SH3GL2: variants seen among roughly 807,000 people sequenced by gnomAD.
The protein encoded by SH3GL2 is endophilin-A1.
A neutral mutation model predicts 46.0 loss-of-function variants in SH3GL2; 24 were observed. That is an observed-to-expected ratio of 0.52 (90% CI 0.38 to 0.73). SH3GL2 has a LOEUF of 0.73. SH3GL2 is among the 30% of genes least tolerant of loss of function. The probability of loss-of-function intolerance (pLI) is 0.00; values close to 1 mark genes in which losing one functional copy is unlikely to be tolerated. For synonymous variants in SH3GL2, 196 were observed against 147.1 expected (o/e 1.33, Z -2.40); for missense variants, 413 against 424.2 (o/e 0.97, Z 0.23).
At chr9:17,686,472 A>G (rs1207391878) in intron 1 of SH3GL2, among the ~76,000 whole-genome samples, 3 of 144,944 alleles carry the variant, frequency 2.1e-5, no homozygotes, top group Non-Finnish European at 4.6e-5. Flanking sequence ...TCATGCTGCT[A>G]TAAAGACACA....
chr9:17,678,145 T>A (rs1303962252), intron 1 of SH3GL2, among the ~76,000 whole-genome samples: 1 of 152,156 alleles, frequency 6.6e-6, no homozygotes, highest in East Asian at 1.9e-4. Flanking sequence ...TTTGGGTATA[T>A]ACCCAGTAAT....
Position 17,678,602 on chromosome 9 carries a change from T to G in SH3GL2, c.46-68464T>G, listed in dbSNP as rs368341371. On this transcript the variant is annotated intron_variant, in intron 1 of 8. Coordinates refer to ENST00000380607, the MANE Select transcript of SH3GL2 (RefSeq NM_003026.5). ...AGGTTGCCTGTTCACTCTGATGGTA[T>G]TTTCTTTTGCTGTGCAGAAGCTCTT... Among the ~76,000 whole-genome samples, 82 of 152,222 alleles carry G rather than the reference T, an allele frequency of 5.4e-4. 2 individuals are homozygous for G. Among genetic ancestry groups the G allele is most frequent in the African/African-American group, 1.2e-3 (49 of 41,546 alleles).
chr9:17,641,346 G>T (rs1343951384), intron 1 of SH3GL2, among the ~76,000 whole-genome samples: 1 of 152,102 alleles, frequency 6.6e-6, no homozygotes, highest in African/African-American at 2.4e-5. Context: ...ATAAATGTTT[G>T]AATTCAAATT....
intron 2 of SH3GL2, among the ~76,000 whole-genome samples, chr9:17,747,956 G>A (rs1367679785): frequency 1.3e-5 from 2 of 152,162 alleles, no homozygotes; most frequent in Admixed American, 6.5e-5. Context: ...TTCCAGGCAT[G>A]AACCACTGCA....
At chr9:17,637,800 A>G (rs1285433717) in intron 1 of SH3GL2, among the ~76,000 whole-genome samples, 1 of 152,192 alleles carries the variant, frequency 6.6e-6, no homozygotes, top group East Asian at 1.9e-4. Flanking sequence ...TGTCATGATT[A>G]CTGATAAACT....
At chr9:17,633,388 C>G in intron 1 of SH3GL2, among the ~76,000 whole-genome samples, 1 of 152,092 alleles carries the variant, frequency 6.6e-6, no homozygotes, top group East Asian at 1.9e-4. Flanking sequence ...AAAAAGTCAT[C>G]CATGTAAAAG....
chr9:17,580,875 TTCTTTTGCAA>T lies in SH3GL2; in HGVS notation c.45+1589_45+1598del, dbSNP rs1320544967. Among the ~76,000 whole-genome samples, 66 of 152,318 alleles carry T rather than the reference TTCTTTTGCAA, an allele frequency of 4.3e-4. 1 individual carries two copies. The highest frequency in any genetic ancestry group is 1.5e-3 in the African/African-American group (62 of 41,576). On this transcript the variant is annotated intron_variant, in intron 1 of 8. Transcript: ENST00000380607. ...TTTTTTCCACTTGGATTCTAAAGAT[TTCTTTTGCAA>T]AGCTTAGTGCCCTCAAAGGCAATTA...
chr9:17,710,299 G>T (rs1426473810), intron 1 of SH3GL2, among the ~76,000 whole-genome samples: 2 of 151,922 alleles, frequency 1.3e-5, no homozygotes, highest in African/African-American at 4.8e-5. Context: ...GGCCTCCCCA[G>T]CCCTGCAGAA....
At chr9:17,700,220 T>A (rs1821314065) in intron 1 of SH3GL2, among the ~76,000 whole-genome samples, 1 of 152,216 alleles carries the variant, frequency 6.6e-6, no homozygotes. Context: ...GAATTGGTCA[T>A]GTTGACCCAC....
intron 1 of SH3GL2, among the ~76,000 whole-genome samples, chr9:17,675,135 C>A (rs1820575333): frequency 6.6e-6 from 1 of 152,138 alleles, no homozygotes; most frequent in East Asian, 1.9e-4. Flanking sequence ...TGGTAGTCAT[C>A]TCACATGCTT....
At chr9:17,723,796 T>C (rs1431879070) in intron 1 of SH3GL2, among the ~76,000 whole-genome samples, 1 of 152,086 alleles carries the variant, frequency 6.6e-6, no homozygotes, top group African/African-American at 2.4e-5. Context: ...CCTTTCCTGA[T>C]TTGCACTTTG....
At chr9:17,661,404 A>C (rs915286672) in intron 1 of SH3GL2, among the ~76,000 whole-genome samples, 1 of 152,290 alleles carries the variant, frequency 6.6e-6, no homozygotes, top group South Asian at 2.1e-4. Context: ...AATTGAACAA[A>C]GATGTGTACA....
At chr9:17,736,680 A>T (rs1822344712) in intron 1 of SH3GL2, among the ~76,000 whole-genome samples, 2 of 152,134 alleles carry the variant, frequency 1.3e-5, no homozygotes, top group Admixed American at 6.6e-5. Context: ...AAGTCTCTCA[A>T]ATACATTCAG....
At chr9:17,635,308 G>C (rs777297372) in intron 1 of SH3GL2, among the ~76,000 whole-genome samples, 1 of 152,172 alleles carries the variant, frequency 6.6e-6, no homozygotes, top group Non-Finnish European at 1.5e-5. Context: ...CCCTGCAAAG[G>C]ACATGGTCTC....
chr9:17,759,710 G>T (rs1327421748), intron 2 of SH3GL2, among the ~76,000 whole-genome samples: 1 of 152,090 alleles, frequency 6.6e-6, no homozygotes, highest in African/African-American at 2.4e-5. Flanking sequence ...TTAGAAATTG[G>T]TCAGCCCCTT....
At chr9:17,650,516 C>T (rs941615582) in intron 1 of SH3GL2, among the ~76,000 whole-genome samples, 5 of 152,056 alleles carry the variant, frequency 3.3e-5, no homozygotes, top group African/African-American at 1.2e-4. Context: ...GGATTACAGG[C>T]GTGTGCCACC....
At chr9:17,653,475 T>C (rs997885063) in intron 1 of SH3GL2, among the ~76,000 whole-genome samples, 1 of 152,198 alleles carries the variant, frequency 6.6e-6, no homozygotes, top group Admixed American at 6.5e-5. Flanking sequence ...TCTAAGATAC[T>C]GTGTAGGTTG....
chr9:17,786,261 G>T (rs1823953696), intron 3 of SH3GL2, 120 bp from the exon 4 acceptor site: 3 of 850,724 alleles, frequency 3.5e-6, no homozygotes, highest in East Asian at 5.0e-5. Flanking sequence ...CGTACTGAAG[G>T]TACACTTATC....
At chr9:17,719,171 A>T (rs1821832256) in intron 1 of SH3GL2, among the ~76,000 whole-genome samples, 2 of 152,134 alleles carry the variant, frequency 1.3e-5, no homozygotes, top group African/African-American at 4.8e-5. Context: ...AACCAATTGA[A>T]TGTCAAGTGC....
Sources: allele counts gnomAD v4.1 joint callset (sites outside exome capture counted in the v4.1 genomes callset), GRCh38; gene constraint gnomAD v4.1.1; transcripts MANE v1.5; gene names NCBI Gene and HGNC (gene_info 2026-07-23, HGNC 2026-07-21).